Variants in MYRFL observed in about 807,000 individuals in gnomAD.
MYRFL encodes myelin regulatory factor-like protein.
Under a neutral mutation model 109.4 loss-of-function variants are expected in MYRFL, and 88 were observed. The ratio of observed to expected loss-of-function variants is 0.80; its 90% CI spans 0.68 to 0.96. The LOEUF is 0.96. Among genes scored for constraint, MYRFL ranks in the 40% least tolerant of loss-of-function variants. The pLI is 0.00. For synonymous variants in MYRFL, 324 were observed against 320.9 expected, an observed-to-expected ratio of 1.01 and a Z score of -0.10; for missense variants, 957 against 954.9, an observed-to-expected ratio of 1.00 and a Z score of -0.03.
intron 2 of MYRFL, among the ~76,000 whole-genome samples, chr12:69,856,295 C>T (rs891820189): frequency 6.6e-6 from 1 of 152,076 alleles, no homozygotes; most frequent in Non-Finnish European, 1.5e-5. Flanking sequence ...GCTTGTTTAG[C>T]CATTTATCTG....
chr12:69,876,954 T>A (rs920832601), intron 2 of MYRFL, among the ~76,000 whole-genome samples: 1 of 150,904 alleles, frequency 6.6e-6, no homozygotes, highest in African/African-American at 2.4e-5. Flanking sequence ...TCTGTTGGGG[T>A]GATGGAGGTA....
rs892602043 is a variant in MYRFL, at chr12:69,853,114, C to A, written c.47-2166C>A. ...TGAGCTGTTGGGTACACCTCCCAGA[C>A]GGGGTGGCGGCTGGGCAGAGGGGCT... is the stretch of plus-strand genomic sequence containing the variant. On this transcript the variant is annotated intron_variant, in intron 1 of 24. Transcript: ENST00000552032. 7.6e-4 allele frequency among the ~76,000 whole-genome samples: 115 copies of A among 152,306 alleles called. 1 individual carries two copies. The highest frequency in any genetic ancestry group is 2.7e-3 in the African/African-American group (113 of 41,570).
chr12:69,865,290 G>T (rs1884950576), intron 2 of MYRFL, among the ~76,000 whole-genome samples: 1 of 152,198 alleles, frequency 6.6e-6, no homozygotes, highest in African/African-American at 2.4e-5. Context: ...GGACAAAAGG[G>T]TGTGATCTAA....
chr12:69,939,700 T>A (rs1955582658), intron 19 of MYRFL, among the ~76,000 whole-genome samples: 2 of 152,150 alleles, frequency 1.3e-5, no homozygotes, highest in Admixed American at 1.3e-4. Flanking sequence ...GGAGAATGAC[T>A]TTGACGAGCT....
intron 2 of MYRFL, among the ~76,000 whole-genome samples, chr12:69,877,245 G>A (rs984115400): frequency 1.3e-5 from 2 of 151,872 alleles, no homozygotes; most frequent in East Asian, 1.9e-4. Context: ...GGATGCCCTC[G>A]ATCTCCTGAC....
chr12:69,921,297 C>T (rs996655718), intron 13 of MYRFL, among the ~76,000 whole-genome samples: 25 of 152,110 alleles, frequency 1.6e-4, no homozygotes, highest in African/African-American at 5.6e-4. Context: ...CCCACCCTGG[C>T]CTCCCAAAGT....
At chr12:69,949,047 T>C (rs770035363) in intron 19 of MYRFL, among the ~76,000 whole-genome samples, 11 of 152,162 alleles carry the variant, frequency 7.2e-5, no homozygotes, top group Non-Finnish European at 1.2e-4. Context: ...TTACCCTATC[T>C]GGGATACAAC....
chr12:69,835,829 G>T (rs1282119299), intron 1 of MYRFL, among the ~76,000 whole-genome samples: 1 of 152,214 alleles, frequency 6.6e-6, no homozygotes, highest in African/African-American at 2.4e-5. Flanking sequence ...CGGGCAGGCT[G>T]TGGGGCTCCA....
intron 8 of MYRFL, among the ~76,000 whole-genome samples, chr12:69,894,915 G>T (rs1170655523): frequency 6.6e-5 from 10 of 152,206 alleles, no homozygotes. Context: ...GGTGTTTGTG[G>T]CCTTCCTTTG....
intron 22 of MYRFL, 52 bp from the exon 23 acceptor site, chr12:69,957,770 G>C: frequency 1.3e-6 from 2 of 1,492,898 alleles, no homozygotes; most frequent in African/African-American, 2.8e-5. Flanking sequence ...TATCCTAGTA[G>C]AAGCTGGTAA....
At chr12:69,847,115 A>G (rs1479746841) in intron 1 of MYRFL, among the ~76,000 whole-genome samples, 1 of 152,046 alleles carries the variant, frequency 6.6e-6, no homozygotes, top group Non-Finnish European at 1.5e-5. Flanking sequence ...TTCTTTGGTA[A>G]TTGTCTGGTG....
In MYRFL at chr12:69,879,313, C is replaced by T. The variant is rs898128118; in HGVS notation, c.324C>T (p.Gly108=). The T allele has an allele frequency of 8.5e-6, 6 of 702,870 alleles. No individual in the cohort carries two copies. Among genetic ancestry groups the T allele is most frequent in the East Asian group, 2.7e-5 (1 of 37,274 alleles). 43.5% of individuals were successfully genotyped at this position (702,870 alleles called of 1,614,324 possible). A position where few individuals can be genotyped will look rare whatever the true frequency, so the allele number is the denominator to read the frequency against. Residue 108 remains glycine, a synonymous_variant, in exon 4 of 25, where the codon GGC becomes GGT. Transcript: ENST00000552032. ...MHPLQSTSGM[G]DSCQIHGGFH... is the part of the protein sequence containing the mutation. ...CGCTGCAGAGCACCTCTGGAATGGG[C>T]GACTCCTGCCAAATCCACGGAGGCT... is the stretch of plus-strand genomic sequence containing the variant.
intron 15 of MYRFL, 120 bp from the exon 16 acceptor site, chr12:69,932,393 C>A: frequency 3.2e-6 from 2 of 628,544 alleles, no homozygotes; most frequent in South Asian, 2.0e-5. Flanking sequence ...TAAATTGAGG[C>A]AAGCACTCAA....
At chr12:69,837,846 A>G (rs1163799289) in intron 1 of MYRFL, among the ~76,000 whole-genome samples, 1 of 152,204 alleles carries the variant, frequency 6.6e-6, no homozygotes, top group Admixed American at 6.5e-5. Flanking sequence ...CAAAGTATGT[A>G]ATGAATGCCT....
At chr12:69,951,548 C>T (rs1030251701) in intron 19 of MYRFL, among the ~76,000 whole-genome samples, 2 of 151,862 alleles carry the variant, frequency 1.3e-5, no homozygotes, top group African/African-American at 4.8e-5. Context: ...CTGCCTCAGC[C>T]TCCCGAGTAG....
At chr12:69,947,346 C>T (rs1955863937) in intron 19 of MYRFL, among the ~76,000 whole-genome samples, 1 of 152,066 alleles carries the variant, frequency 6.6e-6, no homozygotes, top group Non-Finnish European at 1.5e-5. Context: ...ATTTTTATGA[C>T]ATGCTGAGCT....
intron 21 of MYRFL, 62 bp downstream of exon 21, chr12:69,952,948 T>G: frequency 8.9e-7 from 1 of 1,125,706 alleles, no homozygotes; most frequent in East Asian, 2.6e-5. Context: ...CTCTGGGTTT[T>G]TAAGACTGCA....
chr12:69,874,329 C>T (rs1885528900), intron 2 of MYRFL, among the ~76,000 whole-genome samples: 1 of 152,102 alleles, frequency 6.6e-6, no homozygotes, highest in Non-Finnish European at 1.5e-5. Flanking sequence ...AGGTGCATGC[C>T]ACCACGCCCT....
At chr12:69,846,259 T>A (rs1411529481) in intron 1 of MYRFL, among the ~76,000 whole-genome samples, 1 of 151,600 alleles carries the variant, frequency 6.6e-6, no homozygotes, top group East Asian at 1.9e-4. Flanking sequence ...TACATAGGTA[T>A]ACATGTGCCA....
Sources: gnomAD v4.1 joint callset for allele counts (sites outside exome capture counted in the v4.1 genomes callset) on GRCh38, gnomAD v4.1.1 for gene constraint, MANE v1.5 for transcripts, NCBI Gene and HGNC (gene_info 2026-07-23, HGNC 2026-07-21) for gene names.